SIGIRR: variants seen among roughly 807,000 people sequenced by gnomAD.
SIGIRR encodes the protein single Ig IL-1-related receptor.
SIGIRR carries 41 observed loss-of-function variants against 45.6 expected under a neutral mutation model. The observed-to-expected ratio is 0.90, with a 90% CI of 0.70 to 1.17. The LOEUF (loss-of-function observed/expected upper bound fraction) is 1.17. SIGIRR is among the 50% of genes most tolerant of loss of function. The probability of loss-of-function intolerance (pLI) is 0.00; values close to 1 mark genes in which losing one functional copy is unlikely to be tolerated. For synonymous variants in SIGIRR, 298 were observed against 239.0 expected, an observed-to-expected ratio of 1.25 and a Z score of -2.28; for missense variants, 599 against 539.6, an observed-to-expected ratio of 1.11 and a Z score of -1.09.
upstream of SIGIRR, among the ~76,000 whole-genome samples, chr11:415,230 G>GTGTA (rs1229752800): frequency 5.3e-5 from 8 of 150,784 alleles, no homozygotes; most frequent in East Asian, 1.6e-3. The surrounding 1 kb of genome is among the most constrained non-coding windows in gnomAD (Gnocchi z 6.6). Flanking sequence ...GTGTGTGTGT[G>GTGTA]TGTGTGTGTG....
At chr11:413,721 C>G (rs556071632) in intron 1 of SIGIRR, among the ~76,000 whole-genome samples, 1 of 144,858 alleles carries the variant, frequency 6.9e-6, no homozygotes, top group African/African-American at 2.6e-5. Context: ...ACCCTCTTCC[C>G]GCACCCTCTC....
chr11:408,040 C>T (rs1847429896), intron 4 of SIGIRR, 33 bp downstream of exon 4: 1 of 1,611,804 alleles, frequency 6.2e-7, no homozygotes, highest in Non-Finnish European at 8.5e-7. Context: ...TCTAGGTCCC[C>T]TTCTACCCTC....
At chr11:409,809 C>T in intron 2 of SIGIRR, 59 bp downstream of exon 2, 1 of 1,370,520 alleles carries the variant, frequency 7.3e-7, no homozygotes, top group Admixed American at 3.5e-5. Flanking sequence ...GTGGAGCCAG[C>T]CTGAGGGGCA....
At chr11:416,623 C>G (rs1847889738), upstream of SIGIRR, among the ~76,000 whole-genome samples, 1 of 152,148 alleles carries the variant, frequency 6.6e-6, no homozygotes, top group Non-Finnish European at 1.5e-5. This position sits in a 1 kb window ranked among gnomAD's most constrained non-coding sequence, Gnocchi z 9.1. Flanking sequence ...ACCCAGCACC[C>G]TGCGGGCGAC....
chr11:407,307 TGGGCGGGGATGG>T (rs1847375282), intron 6 of SIGIRR, 106 bp downstream of exon 6: 1 of 593,322 alleles, frequency 1.7e-6, no homozygotes, highest in Non-Finnish European at 2.4e-6. Context: ...GGGCCTCGGG[TGGGCGGGGATGG>T]GGGCGGAGCT....
upstream of SIGIRR, among the ~76,000 whole-genome samples, chr11:416,275 G>A (rs1263219819): frequency 6.6e-6 from 1 of 152,124 alleles, no homozygotes; most frequent in Non-Finnish European, 1.5e-5. The surrounding 1 kb of genome is among the most constrained non-coding windows in gnomAD (Gnocchi z 9.1). Context: ...CCCCGGCTCG[G>A]CGGCTGCTCT....
intron 1 of SIGIRR, 85 bp from the exon 2 acceptor site, chr11:410,112 C>T: frequency 8.6e-7 from 1 of 1,157,814 alleles, no homozygotes; most frequent in Non-Finnish European, 1.1e-6. Context: ...CTGGCCCTGA[C>T]CAGATGCGAC....
At chr11:411,171 C>A (rs1378737958) in intron 1 of SIGIRR, among the ~76,000 whole-genome samples, 1 of 20,500 alleles carries the variant, frequency 4.9e-5, no homozygotes. Context: ...CCAGCTCTGA[C>A]CATGTCTGGA....
Position 406,352 on chromosome 11 carries a change from G to C in SIGIRR, c.1066C>G (p.Leu356Val), listed in dbSNP as rs762474925. The C allele has an allele frequency of 6.2e-7, 1 of 1,612,258 alleles. No individual in the cohort carries two copies. Among genetic ancestry groups the C allele is most frequent in the African/African-American group, 1.3e-5 (1 of 75,050 alleles). Residue 356 changes from leucine (L) to valine (V), a missense_variant, in exon 9 of 10, where the codon CTG becomes GTG. Physicochemically the swap from Leu to Val is conservative, Grantham distance 32. Coordinates refer to ENST00000431843, the MANE Select transcript of SIGIRR (RefSeq NM_001135054.2). ...GAGTGGGGCTGGGCGGGCATACCCAGGTCGCCCTCAGGGTCCGGGTCCACC... is the reference window on the plus strand; with the variant it reads ...GAGTGGGGCTGGGCGGGCATACCCACGTCGCCCTCAGGGTCCGGGTCCACC... ...SEVDPDPEGD[L>V]GVRGPVFGEP...
At chr11:408,531 A>AG (rs1199869749) in intron 3 of SIGIRR, among the ~76,000 whole-genome samples, 164 bp downstream of exon 3, 1 of 152,164 alleles carries the variant, frequency 6.6e-6, no homozygotes, top group African/African-American at 2.4e-5. Flanking sequence ...TGCAGACCCA[A>AG]GGGTCTGTCC....
At position 413,708 on chromosome 11, in the gene SIGIRR, T is replaced by C. The variant is rs1277584641; in HGVS notation, c.-154+1115A>G. Among the ~76,000 whole-genome samples the C allele has an allele frequency of 1.3e-4, 14 of 106,420 alleles. No individual in the cohort carries two copies. In the Admixed American group the frequency reaches 1.3e-3, roughly 10 times the overall value. The allele number at this position is 106,420 out of a possible 152,430, so 69.8% of individuals were successfully genotyped here. ...CACCCTCTCCCTGCAAACCCTCCCC[T>C]GCACCCTCTTCCCGCACCCTCTCCC... On this transcript the variant is annotated intron_variant, in intron 1 of 9. Transcript: ENST00000431843.
chr11:406,676 G>A, intron 8 of SIGIRR, 138 bp from the exon 9 acceptor site: 1 of 1,407,408 alleles, frequency 7.1e-7, no homozygotes, highest in East Asian at 2.5e-5. Flanking sequence ...GGGGCCTCAA[G>A]GGCGGCTCCC....
At chr11:406,159 T>C in intron 9 of SIGIRR, 100 bp from the exon 10 acceptor site, 1 of 1,537,882 alleles carries the variant, frequency 6.5e-7, no homozygotes, top group Non-Finnish European at 8.7e-7. Flanking sequence ...TGTGATGGCC[T>C]GTGAGGCCCA....
chr11:405,758 C>G lies in SIGIRR; in HGVS notation c.*138G>C, dbSNP rs1036272155. The G allele has an allele frequency of 9.1e-6, 10 of 1,096,434 alleles. No individual in the cohort carries two copies. The African/African-American group carries it at 1.4e-4, about 16-fold the overall frequency. The allele number at this position is 1,096,434 out of a possible 1,614,324, so 67.9% of individuals were successfully genotyped here. On this transcript the variant is annotated 3_prime_UTR_variant, in exon 10 of 10. Coordinates refer to ENST00000431843, the MANE Select transcript of SIGIRR (RefSeq NM_001135054.2). ...TTATTTTCTGGCACTGGGAGGCGCCCTGAGGCCACAGCCTTTTCCCAGGGC... is the reference window on the plus strand; with the variant it reads ...TTATTTTCTGGCACTGGGAGGCGCCGTGAGGCCACAGCCTTTTCCCAGGGC...
rs776813736 is a variant in SIGIRR, at chr11:405,908, C to T, written c.1221G>A (p.Lys407=). The T allele has an allele frequency of 3.7e-6, 6 of 1,601,604 alleles. No homozygotes were observed. Among genetic ancestry groups the T allele is most frequent in the Non-Finnish European group, 5.1e-6 (6 of 1,171,996 alleles). ...TCTGGGGTGGGAGCTACATATCATC[C>T]TTGGACACCAGGCAGTAGAAGTCTG... ...ARTDFYCLVS[K]DDM Residue 407 remains lysine, a synonymous_variant, in exon 10 of 10, where the codon AAG becomes AAA. Transcript: ENST00000431843.
At chr11:410,438 G>T (rs945255152) in intron 1 of SIGIRR, among the ~76,000 whole-genome samples, 7 of 152,206 alleles carry the variant, frequency 4.6e-5, no homozygotes, top group Admixed American at 4.6e-4. Context: ...GCAGGGGTGT[G>T]AGTGATGTAA....
rs1248524091 is a variant in SIGIRR, at chr11:406,509, C to T, written c.909G>A (p.Val303=). Residue 303 remains valine, a synonymous_variant, in exon 9 of 10, where the codon GTG becomes GTA. Coordinates refer to ENST00000431843, the MANE Select transcript of SIGIRR (RefSeq NM_001135054.2). ...VTPSSDFWKE[V]QLALPRKVQY... Reference sequence around the variant, plus strand: ...GCACCTTCCGCGGCAGCGCCAGCTGCACTTCTTTCCAAAAATCGGAGGAAG... The same window carrying T: ...GCACCTTCCGCGGCAGCGCCAGCTGTACTTCTTTCCAAAAATCGGAGGAAG... The T allele has an allele frequency of 4.0e-5, 65 of 1,610,138 alleles. No homozygotes were observed. Among genetic ancestry groups the T allele is most frequent in the Non-Finnish European group, 5.1e-5 (60 of 1,177,880 alleles).
intron 1 of SIGIRR, among the ~76,000 whole-genome samples, chr11:410,272 C>G (rs1010864311): frequency 1.3e-5 from 2 of 152,140 alleles, no homozygotes; most frequent in Non-Finnish European, 2.9e-5. Context: ...TCCACCGGCC[C>G]TGGGGCCACC....
At position 408,993 on chromosome 11, in the gene SIGIRR, G is replaced by T. The variant is rs916194880; in HGVS notation, c.8-100C>A. 9 of 1,088,410 alleles carry T rather than the reference G, an allele frequency of 8.3e-6. No individual in the cohort carries two copies. The African/African-American group carries it at 1.1e-4, about 13-fold the overall frequency. The allele number at this position is 1,088,410 out of a possible 1,614,324, so 67.4% of individuals were successfully genotyped here. ...CAGGAAGAAATAAGGCCTCTGTGTG[G>T]CTTGGCAGTCACACCATGTCTGTCC... On this transcript the variant is annotated intron_variant, in intron 2 of 9. Coordinates refer to ENST00000431843, the MANE Select transcript of SIGIRR (RefSeq NM_001135054.2).
Sources: allele counts gnomAD v4.1 joint callset (sites outside exome capture counted in the v4.1 genomes callset), GRCh38; gene constraint gnomAD v4.1.1; non-coding constraint Gnocchi (gnomAD v3.1); transcripts MANE v1.5; gene names NCBI Gene and HGNC (gene_info 2026-07-23, HGNC 2026-07-21).